CINP: variants seen among roughly 807,000 people sequenced by gnomAD.
CINP encodes cyclin-dependent kinase 2-interacting protein.
In CINP, 11 loss-of-function variants were observed where a neutral mutation model predicts 20.5. The observed-to-expected ratio is 0.54, with a 90% confidence interval of 0.34 to 0.89. The LOEUF (loss-of-function observed/expected upper bound fraction) is 0.89. Among genes scored for constraint, CINP ranks in the 40% least tolerant of loss-of-function variants. The pLI is 0.02. For synonymous variants in CINP, 108 were observed against 102.1 expected (o/e 1.06, Z -0.35); for missense variants, 213 against 251.0 (o/e 0.85, Z 1.02).
intron 4 of CINP, among the ~76,000 whole-genome samples, chr14:102,349,494 G>C (rs546076459): frequency 6.6e-6 from 1 of 152,202 alleles, no homozygotes; most frequent in Non-Finnish European, 1.5e-5. Context: ...GAAGCCATGG[G>C]TTTCATTTTT....
intron 1 of CINP, among the ~76,000 whole-genome samples, chr14:102,360,789 C>T (rs930420756): frequency 6.6e-6 from 1 of 152,200 alleles, no homozygotes; most frequent in African/African-American, 2.4e-5. Flanking sequence ...CTCTGTGCAT[C>T]AGAGCTGGCT....
At chr14:102,349,525 TTGGCTGCAG>T (rs1375722988) in intron 4 of CINP, among the ~76,000 whole-genome samples, 2 of 152,096 alleles carry the variant, frequency 1.3e-5, no homozygotes, top group Non-Finnish European at 2.9e-5. Flanking sequence ...TTCCATGAGG[TTGGCTGCAG>T]TGACCCTCAA....
chr14:102,354,484 TG>T (rs1886950309), intron 3 of CINP, among the ~76,000 whole-genome samples: 1 of 152,284 alleles, frequency 6.6e-6, no homozygotes, highest in Admixed American at 6.5e-5. Flanking sequence ...TGGACGAACA[TG>T]GTGGCTCACG....
At chr14:102,359,667 C>A (rs971529761) in intron 1 of CINP, 80 bp from the exon 2 acceptor site, 2 of 1,053,560 alleles carry the variant, frequency 1.9e-6, no homozygotes, top group African/African-American at 1.6e-5. Context: ...TTATAATTTT[C>A]AACAGTAAAA....
chr14:102,350,592 A>G (rs1013339878), intron 3 of CINP, among the ~76,000 whole-genome samples: 3 of 151,662 alleles, frequency 2.0e-5, no homozygotes, highest in Non-Finnish European at 4.4e-5. Flanking sequence ...GGGCTCCAGC[A>G]ATCCTCCCGC....
intron 1 of CINP, among the ~76,000 whole-genome samples, chr14:102,360,297 C>G (rs1887110426): frequency 6.6e-6 from 1 of 152,070 alleles, no homozygotes; most frequent in Admixed American, 6.5e-5. Context: ...CTCACGATGC[C>G]CATCCTCCAA....
At chr14:102,348,838 G>C (rs1886804674) in intron 4 of CINP, 79 bp from the exon 5 acceptor site, 1 of 1,347,056 alleles carries the variant, frequency 7.4e-7, no homozygotes, top group Non-Finnish European at 1.0e-6. Flanking sequence ...CATTTTAACA[G>C]CTCTTGATTA....
At chr14:102,355,998 G>T in intron 2 of CINP, 101 bp from the exon 3 acceptor site, 1 of 1,218,568 alleles carries the variant, frequency 8.2e-7, no homozygotes, top group Non-Finnish European at 1.1e-6. Flanking sequence ...ATAGTTACGT[G>T]GGACATTTTG....
chr14:102,355,573 C>T (rs955907558), intron 3 of CINP, 195 bp downstream of exon 3: 23 of 543,072 alleles, frequency 4.2e-5, no homozygotes, highest in African/African-American at 2.1e-4. Context: ...GACATTTCCC[C>T]GGATGACGCA....
chr14:102,356,897 C>T (rs780203660), intron 2 of CINP, among the ~76,000 whole-genome samples: 2 of 152,150 alleles, frequency 1.3e-5, no homozygotes, highest in Non-Finnish European at 2.9e-5. Flanking sequence ...TTGGGCCTCC[C>T]TGTTCCCTGA....
chr14:102,350,674 G>C (rs1219601419), intron 3 of CINP, among the ~76,000 whole-genome samples: 1 of 151,936 alleles, frequency 6.6e-6, no homozygotes, highest in Non-Finnish European at 1.5e-5. Context: ...CTGCTTTTAA[G>C]AAGTGAGAGA....
intron 4 of CINP, among the ~76,000 whole-genome samples, chr14:102,349,145 T>C (rs537452348): frequency 3.0e-4 from 45 of 152,206 alleles, no homozygotes; most frequent in African/African-American, 1.0e-3. Context: ...TCTCAGCTAC[T>C]TGGGAGGCTG....
chr14:102,350,102 G>A, intron 3 of CINP, 54 bp from the exon 4 acceptor site: 4 of 1,502,936 alleles, frequency 2.7e-6, no homozygotes, highest in South Asian at 1.2e-5. Context: ...TCCAGTCTCA[G>A]ATTTAATAAC....
intron 3 of CINP, among the ~76,000 whole-genome samples, chr14:102,354,145 C>T (rs1376273457): frequency 1.3e-5 from 2 of 152,130 alleles, no homozygotes; most frequent in Admixed American, 6.5e-5. Context: ...TATCCAAGTT[C>T]AAATATGTGT....
At chr14:102,350,154 A>C (rs1886835965) in intron 3 of CINP, 106 bp from the exon 4 acceptor site, 1 of 1,058,596 alleles carries the variant, frequency 9.4e-7, no homozygotes. Flanking sequence ...TATTATGATA[A>C]AAATTCCAAT....
chr14:102,359,650 A>G, intron 1 of CINP, 63 bp from the exon 2 acceptor site: 1 of 1,245,918 alleles, frequency 8.0e-7, no homozygotes, highest in South Asian at 1.5e-5. Context: ...TTGGAGGGCA[A>G]ATGTCCTTAT....
intron 4 of CINP, among the ~76,000 whole-genome samples, chr14:102,349,144 C>G (rs1228688403): frequency 6.6e-6 from 1 of 152,132 alleles, no homozygotes. Context: ...ATCTCAGCTA[C>G]TTGGGAGGCT....
intron 2 of CINP, among the ~76,000 whole-genome samples, chr14:102,356,729 T>C (rs1348300001): frequency 1.3e-5 from 2 of 152,224 alleles, no homozygotes; most frequent in Non-Finnish European, 2.9e-5. Context: ...TTTTTCATTA[T>C]TATGTCTATG....
chr14:102,348,618 T>C lies in CINP; in HGVS notation c.578A>G (p.Glu193Gly), dbSNP rs905350385. ...LSMWLHQPYVESDSRLHLESM... is the reference protein window; with the variant it reads ...LSMWLHQPYVGSDSRLHLESM... ...CTCCAGATGCAGCCTGCTGTCGCTC[T>C]CCACATAGGGCTGGTGCAGCCACAT... The change falls in exon 5 of 5, where the codon GAG (glutamate) becomes GGG (glycine). Residue 193 changes from glutamate to glycine, a missense_variant. Physicochemically the swap from Glu to Gly is moderately conservative, Grantham distance 98. Coordinates refer to ENST00000216756, the MANE Select transcript of CINP (RefSeq NM_032630.3). 17 of 1,613,832 alleles carry C rather than the reference T, an allele frequency of 1.1e-5. 1 individual carries two copies. The South Asian group carries it at 1.4e-4, about 14-fold the overall frequency.
Sources: allele counts gnomAD v4.1 joint callset (sites outside exome capture counted in the v4.1 genomes callset), GRCh38; gene constraint gnomAD v4.1.1; transcripts MANE v1.5; gene names NCBI Gene and HGNC (gene_info 2026-07-23, HGNC 2026-07-21).